RCOR1: variants seen among roughly 807,000 people sequenced by gnomAD.
RCOR1 encodes the protein REST corepressor.
Under a neutral mutation model 64.0 loss-of-function variants are expected in RCOR1, and 12 were observed. The ratio of observed to expected loss-of-function variants is 0.19; its 90% CI spans 0.12 to 0.30. The LOEUF is 0.30. Ranked by LOEUF, RCOR1 falls within the 10% of genes least tolerant of loss-of-function variation. The probability of loss-of-function intolerance (pLI) is 1.00; values close to 1 mark genes in which losing one functional copy is unlikely to be tolerated. For missense variants in RCOR1, 502 were observed against 621.2 expected, an observed-to-expected ratio of 0.81 and a Z score of 2.04; for synonymous variants, 279 against 227.2, an observed-to-expected ratio of 1.23 and a Z score of -2.05.
intron 2 of RCOR1, among the ~76,000 whole-genome samples, chr14:102,679,661 G>A (rs1305850129): frequency 8.6e-5 from 13 of 152,024 alleles, no homozygotes; most frequent in Non-Finnish European, 1.8e-4. Flanking sequence ...TGTATTTTTA[G>A]TATAGACGGG....
At chr14:102,659,230 A>ATGAACAAG (rs1207313243) in intron 2 of RCOR1, 1 of 985,054 alleles carries the variant, frequency 1.0e-6, no homozygotes. Flanking sequence ...ATATTTGCAT[A>ATGAACAAG]TGAACAAGTG....
intron 2 of RCOR1, among the ~76,000 whole-genome samples, chr14:102,641,160 C>T (rs1595208670): frequency 6.6e-6 from 1 of 151,870 alleles, no homozygotes; most frequent in East Asian, 1.9e-4. Flanking sequence ...AAGGCTGAGG[C>T]AAGAGAATTG....
At chr14:102,713,538 T>C (rs919029169) in intron 7 of RCOR1, among the ~76,000 whole-genome samples, 4 of 151,688 alleles carry the variant, frequency 2.6e-5, no homozygotes, top group Non-Finnish European at 4.4e-5. Context: ...CGCCTCAGCC[T>C]CCCAAAGTGC....
In RCOR1 at chr14:102,647,329, C is replaced by CT. The variant is rs1237898957; in HGVS notation, c.362-34560dup. Among the ~76,000 whole-genome samples, 13 of 151,626 alleles carry CT rather than the reference C, an allele frequency of 8.6e-5. No individual in the cohort carries two copies. In the South Asian group the frequency reaches 1.2e-3, roughly 15 times the overall value. On this transcript the variant is annotated intron_variant, in intron 2 of 11. Coordinates refer to ENST00000262241, the MANE Select transcript of RCOR1 (RefSeq NM_015156.4). The stretch of plus-strand genomic sequence containing the variant: ...TACCCATCTAGGATTTTTTTTTCTT[C>CT]TTTTTTGAGATGGAGTCTCGCTCTT...
chr14:102,708,421 A>G (rs893467271), intron 5 of RCOR1, 44 bp from the exon 6 acceptor site: 2 of 1,140,656 alleles, frequency 1.8e-6, no homozygotes, highest in Admixed American at 1.7e-5. Flanking sequence ...ATTTTTAAAG[A>G]TTACTTTTTT....
intron 2 of RCOR1, among the ~76,000 whole-genome samples, chr14:102,599,118 GT>G (rs1844036394): frequency 6.6e-6 from 1 of 151,554 alleles, no homozygotes; most frequent in South Asian, 2.1e-4. Context: ...AATGAATAAT[GT>G]TTTTCTTTCC....
At chr14:102,693,265 TTC>T (rs932730050) in intron 3 of RCOR1, among the ~76,000 whole-genome samples, 1 of 152,166 alleles carries the variant, frequency 6.6e-6, no homozygotes, top group African/African-American at 2.4e-5. Context: ...GTATGACTAT[TTC>T]TCTCTCTCCA....
chr14:102,642,194 T>C (rs567350179), intron 2 of RCOR1, among the ~76,000 whole-genome samples: 19 of 151,616 alleles, frequency 1.3e-4, no homozygotes, highest in African/African-American at 3.6e-4. Flanking sequence ...CTTACTCTAA[T>C]TGAAAGAATA....
intron 8 of RCOR1, among the ~76,000 whole-genome samples, chr14:102,719,899 A>G (rs767700695): frequency 6.6e-6 from 1 of 152,146 alleles, no homozygotes; most frequent in African/African-American, 2.4e-5. Flanking sequence ...GCTATGTTGC[A>G]TTTTTAGCCA....
intron 2 of RCOR1, among the ~76,000 whole-genome samples, chr14:102,633,394 A>G (rs1158265561): frequency 6.6e-6 from 1 of 152,108 alleles, no homozygotes; most frequent in African/African-American, 2.4e-5. Context: ...TTGCCATATT[A>G]TATTGCCCAG....
chr14:102,685,802 A>G (rs1017926694), intron 3 of RCOR1, among the ~76,000 whole-genome samples: 1 of 152,170 alleles, frequency 6.6e-6, no homozygotes, highest in African/African-American at 2.4e-5. Context: ...TGTCTCTCAA[A>G]AAGTCCAAAA....
intron 2 of RCOR1, among the ~76,000 whole-genome samples, chr14:102,628,912 A>T (rs754680959): frequency 2.7e-4 from 31 of 114,616 alleles, no homozygotes; most frequent in Non-Finnish European, 4.9e-4. Context: ...TTTTTTTTTG[A>T]GACGGTCTCG....
chr14:102,600,317 C>T (rs953730863), intron 2 of RCOR1, among the ~76,000 whole-genome samples: 11 of 148,846 alleles, frequency 7.4e-5, no homozygotes, highest in African/African-American at 2.2e-4. Flanking sequence ...CCTCGTGATC[C>T]GCCCACCTCG....
intron 2 of RCOR1, among the ~76,000 whole-genome samples, chr14:102,679,787 T>G (rs1417203550): frequency 6.6e-6 from 1 of 152,208 alleles, no homozygotes; most frequent in Non-Finnish European, 1.5e-5. Context: ...CTTTTCTCTG[T>G]CTTTATGCCA....
intron 2 of RCOR1, among the ~76,000 whole-genome samples, chr14:102,669,510 G>A (rs1186994333): frequency 6.6e-6 from 1 of 152,098 alleles, no homozygotes; most frequent in Admixed American, 6.5e-5. Context: ...ATAATGTATG[G>A]TGTCTTTAAA....
chr14:102,645,616 G>C (rs1192052331), intron 2 of RCOR1, among the ~76,000 whole-genome samples: 1 of 152,188 alleles, frequency 6.6e-6, no homozygotes, highest in Admixed American at 6.5e-5. Flanking sequence ...CCCAAAGCCA[G>C]TAGCACAGTT....
chr14:102,653,983 C>CTTTCTTTCTTTCTT (rs1334055763), intron 2 of RCOR1, among the ~76,000 whole-genome samples: 11 of 33,176 alleles, frequency 3.3e-4, no homozygotes, highest in Admixed American at 1.5e-3. Flanking sequence ...TTCTTTCTTT[C>CTTTCTTTCTTTCTT]TTTTTTTTTT....
At chr14:102,657,810 C>T (rs1894755758) in intron 2 of RCOR1, 1 of 911,454 alleles carries the variant, frequency 1.1e-6, no homozygotes, top group Non-Finnish European at 1.3e-6. Context: ...TGCACTCCAG[C>T]CTGGGCGACA....
chr14:102,650,809 T>A (rs1243942715), intron 2 of RCOR1: 3 of 159,048 alleles, frequency 1.9e-5, no homozygotes, highest in African/African-American at 7.2e-5. Context: ...ATTGGTATTG[T>A]GGGTGTTCTT....
Sources: allele counts gnomAD v4.1 joint callset (sites outside exome capture counted in the v4.1 genomes callset), GRCh38; gene constraint gnomAD v4.1.1; transcripts MANE v1.5; gene names NCBI Gene and HGNC (gene_info 2026-07-23, HGNC 2026-07-21).